The following VSX2 variants were observed in gnomAD, a reference collection of about 807,000 sequenced individuals.
The protein encoded by VSX2 is visual system homeobox 2.
Under a neutral mutation model 32.1 loss-of-function variants are expected in VSX2, and 28 were observed. The ratio of observed to expected loss-of-function variants is 0.87; its 90% CI spans 0.65 to 1.20. The LOEUF is 1.20. Among genes scored for constraint, VSX2 ranks in the 50% most tolerant of loss-of-function variants. The pLI, the probability that VSX2 is intolerant of heterozygous loss-of-function variation, is 0.00. For synonymous variants in VSX2, 243 were observed against 214.1 expected, an observed-to-expected ratio of 1.14 and a Z score of -1.18; for missense variants, 506 against 488.7, an observed-to-expected ratio of 1.04 and a Z score of -0.33.
intron 4 of VSX2, among the ~76,000 whole-genome samples, chr14:74,260,383 G>T (rs1343509245): frequency 1.3e-4 from 20 of 152,184 alleles, no homozygotes; most frequent in Admixed American, 1.3e-3. Flanking sequence ...GGTGCCCAGG[G>T]CTTTGGCAGG....
Position 74,239,926 on chromosome 14 carries a change from G to A in VSX2, c.365G>A (p.Ser122Asn). The change falls in exon 1 of 5, where the codon AGC becomes AAC. Residue 122 changes from serine (S) to asparagine (N), a missense_variant. By Grantham distance (46) the Ser-to-Asn change is conservative. Transcript: ENST00000261980. Reference protein sequence around the residue: ...SGPLDTSQTASSDSEDVSSSD... With the variant: ...SGPLDTSQTANSDSEDVSSSD... ...CCGCTGGACACCAGCCAGACGGCCA[G>A]CTCGGGTAGGTGAGGAGAGGTTGCG... is the stretch of plus-strand genomic sequence containing the variant. The A allele has an allele frequency of 6.4e-7, 1 of 1,564,114 alleles. No individual in the cohort carries two copies. The highest frequency in any genetic ancestry group is 8.7e-7 in the Non-Finnish European group (1 of 1,155,332).
chr14:74,255,456 G>A (rs911305902), intron 3 of VSX2, among the ~76,000 whole-genome samples: 26 of 152,236 alleles, frequency 1.7e-4, no homozygotes, highest in African/African-American at 6.3e-4. Flanking sequence ...CATAACTGAG[G>A]GTCTGGATGA....
At chr14:74,241,031 G>A in intron 1 of VSX2, 151 bp from the exon 2 acceptor site, 1 of 734,796 alleles carries the variant, frequency 1.4e-6, no homozygotes, top group South Asian at 1.5e-5. Flanking sequence ...CTCAGGGATG[G>A]GACGGCCACC....
intron 3 of VSX2, among the ~76,000 whole-genome samples, chr14:74,248,074 A>G (rs2079203999): frequency 1.3e-5 from 2 of 151,606 alleles, no homozygotes; most frequent in South Asian, 4.2e-4. Context: ...AGACTCCAAA[A>G]CCCTTGCTTT....
chr14:74,258,925 T>C (rs1039889209), intron 3 of VSX2, among the ~76,000 whole-genome samples: 5 of 152,182 alleles, frequency 3.3e-5, no homozygotes, highest in African/African-American at 1.2e-4. Flanking sequence ...GCTCCCCAAA[T>C]ACTATTCAGA....
At chr14:74,259,463 CAGAGGGCACCATGGAG>C in intron 3 of VSX2, 123 bp from the exon 4 acceptor site, 2 of 909,392 alleles carry the variant, frequency 2.2e-6, no homozygotes, top group Non-Finnish European at 3.5e-6. Flanking sequence ...TGGAGGAACA[CAGAGGGCACCATGGAG>C]TAGGCGAGCT....
chr14:74,239,807 G>C lies in VSX2; in HGVS notation c.246G>C (p.Gly82=), dbSNP rs758201632. The C allele has an allele frequency of 1.3e-6, 2 of 1,570,282 alleles. No homozygotes were observed. Among genetic ancestry groups the C allele is most frequent in the Middle Eastern group, 2.1e-4 (1 of 4,838 alleles). Residue 82 remains glycine, a synonymous_variant, in exon 1 of 5, where the codon GGG becomes GGC. Coordinates refer to ENST00000261980, the MANE Select transcript of VSX2 (RefSeq NM_182894.3). ...GCGGCATGGGGCTTCTGGGGCCCGG[G>C]GGGCTCCCTGGCTTCTACACGCAGC... ...GVGGMGLLGP[G]GLPGFYTQPT... is the part of the protein sequence containing the mutation.
intron 3 of VSX2, among the ~76,000 whole-genome samples, chr14:74,252,440 G>C (rs747609262): frequency 6.9e-4 from 104 of 150,874 alleles, no homozygotes; most frequent in Non-Finnish European, 2.7e-4. Context: ...GCCCAGGCTG[G>C]AGTGCAGGGG....
intron 3 of VSX2, among the ~76,000 whole-genome samples, chr14:74,258,506 G>C (rs1457271076): frequency 1.3e-5 from 2 of 152,018 alleles, no homozygotes; most frequent in African/African-American, 4.8e-5. Flanking sequence ...CGACTCCCTC[G>C]ACTTCCCTGG....
chr14:74,254,989 C>A (rs12588194), intron 3 of VSX2, among the ~76,000 whole-genome samples: 81,990 of 151,112 alleles, frequency 0.54, 23,331 homozygotes, highest in East Asian at 0.9. Flanking sequence ...ACCGTGTTAG[C>A]CAGGATGGTC....
At chr14:74,248,816 C>T (rs937045737) in intron 3 of VSX2, among the ~76,000 whole-genome samples, 1 of 152,162 alleles carries the variant, frequency 6.6e-6, no homozygotes, top group African/African-American at 2.4e-5. Context: ...AGAGGCTAGG[C>T]CACTTCCCAT....
At chr14:74,251,486 C>T (rs4903213) in intron 3 of VSX2, among the ~76,000 whole-genome samples, 56,251 of 152,036 alleles carry the variant, frequency 0.37, 13,257 homozygotes, top group Non-Finnish European at 0.51. Flanking sequence ...AAAATCAAAC[C>T]TCTTCACGTT....
chr14:74,245,171 C>G lies in VSX2; in HGVS notation c.462C>G (p.Ile154Met), dbSNP rs1051710907. 18 of 1,613,676 alleles carry G rather than the reference C, an allele frequency of 1.1e-5. No individual in the cohort carries two copies. Among genetic ancestry groups the G allele is most frequent in the Non-Finnish European group, 1.5e-5 (18 of 1,179,878 alleles). The change falls in exon 3 of 5, where the codon ATC becomes ATG. Residue 154 changes from isoleucine to methionine, a missense_variant. Physicochemically the swap from Ile to Met is conservative, Grantham distance 10. Transcript: ENST00000261980. ...KKRKKRRHRT[I>M]FTSYQLEELE... Reference sequence around the variant, plus strand: ...TCGGTCTTGCTCCCCTCAGGACAATCTTTACCTCCTACCAGCTAGAGGAGC... The same window carrying G: ...TCGGTCTTGCTCCCCTCAGGACAATGTTTACCTCCTACCAGCTAGAGGAGC...
intron 2 of VSX2, among the ~76,000 whole-genome samples, chr14:74,244,467 G>GC (rs1180971789): frequency 1.3e-5 from 2 of 152,142 alleles, no homozygotes; most frequent in Admixed American, 6.5e-5. Context: ...AGGAAGGGGT[G>GC]CTGGGGGGAG....
At position 74,243,750 on chromosome 14, in the gene VSX2, T is replaced by A. The variant is rs2079166935; in HGVS notation, c.456-1415T>A. On this transcript the variant is annotated intron_variant, in intron 2 of 4. Coordinates refer to ENST00000261980, the MANE Select transcript of VSX2 (RefSeq NM_182894.3). Reference sequence around the variant, plus strand: ...GAGAAACGATTTAGAATCAAACCAGTCATTTTCTGCAAAGAGCACAATCTT... The same window carrying A: ...GAGAAACGATTTAGAATCAAACCAGACATTTTCTGCAAAGAGCACAATCTT... Among the ~76,000 whole-genome samples the A allele has an allele frequency of 2.7e-5, 4 of 149,578 alleles. No individual in the cohort carries two copies. The South Asian group carries it at 8.5e-4, about 32-fold the overall frequency.
In VSX2 at chr14:74,260,626, G is replaced by T. The variant is rs775016647; in HGVS notation, c.793G>T (p.Glu265Ter). ...MHKKSLEAAA[E>*]SGRKPEGERQ... ...CAAAAAGTCGCTGGAGGCAGCAGCC[G>T]AGTCGGGGAGGAAGCCCGAGGGGGA... The change falls in exon 5 of 5, where the codon GAG becomes TAG. Residue 265 changes from glutamate (E) to a stop codon, truncating the protein, a stop_gained. Transcript: ENST00000261980. LOFTEE classifies it high-confidence loss of function. 2 of 1,606,938 alleles carry T rather than the reference G, an allele frequency of 1.2e-6. No homozygotes were observed. The highest frequency in any genetic ancestry group is 1.1e-5 in the South Asian group (1 of 89,348).
At chr14:74,244,929 T>TGTGTGTGTGTGTGTGTGAGAGAGAGAGA (rs1555387789) in intron 2 of VSX2, among the ~76,000 whole-genome samples, 1 of 38,852 alleles carries the variant, frequency 2.6e-5, no homozygotes, top group Non-Finnish European at 6.4e-5. Context: ...TGTGTGTGTG[T>TGTGTGTGTGTGTGTGTGAGAGAGAGAGA]GAAAGAGAGA....
In VSX2 at chr14:74,245,220, C is replaced by T; in HGVS notation, c.511C>T (p.His171Tyr). The change falls in exon 3 of 5, where the codon CAC becomes TAC. Residue 171 changes from histidine (H) to tyrosine (Y), a missense_variant. His to Tyr is a moderately conservative substitution (Grantham distance 83). Transcript: ENST00000261980. The stretch of plus-strand genomic sequence containing the variant: ...GCTGGAGAAGGCATTCAACGAAGCC[C>T]ACTACCCAGACGTCTATGCCCGGGA... ...EELEKAFNEA[H>Y]YPDVYAREML... is the part of the protein sequence containing the mutation. The T allele has an allele frequency of 6.2e-7, 1 of 1,613,680 alleles. No homozygotes were observed. The highest frequency in any genetic ancestry group is 2.2e-5 in the East Asian group (1 of 44,838).
intron 2 of VSX2, 149 bp downstream of exon 2, chr14:74,241,415 G>A: frequency 3.3e-6 from 3 of 901,700 alleles, no homozygotes; most frequent in Middle Eastern, 3.2e-4. Context: ...GTTGTTTGGC[G>A]GAATCTGCCC....
Sources: allele counts gnomAD v4.1 joint callset (sites outside exome capture counted in the v4.1 genomes callset), GRCh38; gene constraint gnomAD v4.1.1; transcripts MANE v1.5; gene names NCBI Gene and HGNC (gene_info 2026-07-23, HGNC 2026-07-21).